Variants in DNAJC6 observed in about 807,000 individuals in gnomAD.
DNAJC6 encodes auxilin.
DNAJC6 carries 34 observed loss-of-function variants against 110.0 expected under a neutral mutation model. The ratio of observed to expected loss-of-function variants is 0.31; its 90% CI spans 0.24 to 0.41. The LOEUF (loss-of-function observed/expected upper bound fraction) is 0.41, where lower values mean the gene tolerates loss of function less well. Ranked by LOEUF, DNAJC6 falls within the 10% of genes least tolerant of loss-of-function variation. The probability of loss-of-function intolerance (pLI) is 1.00; values close to 1 mark genes in which losing one functional copy is unlikely to be tolerated. For missense variants in DNAJC6, 1,031 were observed against 1,207.8 expected (o/e 0.85, Z 2.17); for synonymous variants, 406 against 437.2 (o/e 0.93, Z 0.89).
At chr1:65,293,436 T>C (rs1644899482) in intron 1 of DNAJC6, among the ~76,000 whole-genome samples, 1 of 152,110 alleles carries the variant, frequency 6.6e-6, no homozygotes, top group African/African-American at 2.4e-5. Context: ...GGCCCCCATC[T>C]CCAAATACTA....
At chr1:65,352,504 C>A (rs1447150017) in intron 1 of DNAJC6, among the ~76,000 whole-genome samples, 1 of 152,152 alleles carries the variant, frequency 6.6e-6, no homozygotes, top group African/African-American at 2.4e-5. Context: ...GTTCCCTTAT[C>A]TGAAAAATAA....
intron 1 of DNAJC6, among the ~76,000 whole-genome samples, chr1:65,322,166 CT>C (rs1409329667): frequency 2.0e-5 from 3 of 152,150 alleles, no homozygotes; most frequent in Non-Finnish European, 4.4e-5. Flanking sequence ...TTATATCTTG[CT>C]TTGTTTTCAA....
chr1:65,389,069 C>A (rs1645899104), intron 9 of DNAJC6, among the ~76,000 whole-genome samples, 187 bp from the exon 10 acceptor site: 1 of 152,170 alleles, frequency 6.6e-6, no homozygotes, highest in South Asian at 2.1e-4. Flanking sequence ...CATTATTCTC[C>A]TCTTTTCTCT....
In DNAJC6 at chr1:65,345,356, A is replaced by G. The variant is rs114869183; in HGVS notation, c.194-19279A>G. On this transcript the variant is annotated intron_variant, in intron 1 of 18. Coordinates refer to ENST00000371069, the MANE Select transcript of DNAJC6 (RefSeq NM_001256864.2). ...CAAATATTGTTTATGATTGCCTTCT[A>G]GGTGACAAATACTCATCCATCATTA... Among the ~76,000 whole-genome samples the G allele has an allele frequency of 6.2e-3, 948 of 152,140 alleles. 6 individuals carry two copies. The highest frequency in any genetic ancestry group is 0.011 in the Non-Finnish European group (758 of 67,990).
At chr1:65,309,959 T>G in intron 1 of DNAJC6, 21 bp downstream of exon 1, 1 of 1,404,630 alleles carries the variant, frequency 7.1e-7, no homozygotes, top group Non-Finnish European at 9.3e-7. Flanking sequence ...CCGAGGGGAG[T>G]GCAGCGCTGA....
intron 1 of DNAJC6, among the ~76,000 whole-genome samples, chr1:65,331,217 G>C (rs563572252): frequency 7.7e-4 from 118 of 152,286 alleles, no homozygotes; most frequent in African/African-American, 2.7e-3. Context: ...TTGGTTCTTT[G>C]TAGCCATTGG....
chr1:65,341,478 A>G (rs1368168262), intron 1 of DNAJC6, among the ~76,000 whole-genome samples: 1 of 152,160 alleles, frequency 6.6e-6, no homozygotes, highest in Non-Finnish European at 1.5e-5. Flanking sequence ...GCAGAGGAGA[A>G]CAGATGCTGC....
At chr1:65,342,631 A>T (rs989667086) in intron 1 of DNAJC6, among the ~76,000 whole-genome samples, 2 of 152,190 alleles carry the variant, frequency 1.3e-5, no homozygotes, top group African/African-American at 4.8e-5. Context: ...GCTCCTCTGT[A>T]AAAAGGGGAT....
At chr1:65,315,484 G>A (rs1012886318) in intron 1 of DNAJC6, among the ~76,000 whole-genome samples, 1 of 152,086 alleles carries the variant, frequency 6.6e-6, no homozygotes, top group African/African-American at 2.4e-5. Context: ...TACAACATGA[G>A]TGTGTGTAAA....
chr1:65,403,340 C>T (rs1646046672), intron 15 of DNAJC6, among the ~76,000 whole-genome samples: 1 of 152,212 alleles, frequency 6.6e-6, no homozygotes, highest in African/African-American at 2.4e-5. Flanking sequence ...AGAAGTCTAG[C>T]TCTGGAGCTT....
chr1:65,352,821 C>T (rs898141797), intron 1 of DNAJC6, among the ~76,000 whole-genome samples: 5 of 152,118 alleles, frequency 3.3e-5, no homozygotes, highest in Admixed American at 1.3e-4. Flanking sequence ...CTTGAGAAAA[C>T]GCTTCTTAGA....
chr1:65,265,671 G>T (rs1430434889), intron 1 of DNAJC6, among the ~76,000 whole-genome samples: 1 of 152,180 alleles, frequency 6.6e-6, no homozygotes, highest in Non-Finnish European at 1.5e-5. Flanking sequence ...TTTTAAATTC[G>T]GAGGCTCCTT....
chr1:65,395,056 T>C (rs564799383), intron 13 of DNAJC6, 24 bp downstream of exon 13: 1 of 1,578,880 alleles, frequency 6.3e-7, no homozygotes, highest in Non-Finnish European at 8.6e-7. Flanking sequence ...TTATATTGTG[T>C]TCAGTGGAAC....
chr1:65,272,718 T>G lies in DNAJC6; in HGVS notation c.-131+7786T>G, dbSNP rs189565808. Reference sequence around the variant, plus strand: ...TGTTTGTTTGTTTATTTATTTTACTTTTGTAAAGATGAGGTCTCACTATGT... The same window carrying G: ...TGTTTGTTTGTTTATTTATTTTACTGTTGTAAAGATGAGGTCTCACTATGT... On this transcript the variant is annotated intron_variant, in intron 1 of 19. Transcript: ENST00000263441. 2.2e-4 allele frequency among the ~76,000 whole-genome samples: 34 copies of G among 152,320 alleles called. No homozygotes were observed. The East Asian group carries it at 6.4e-3, about 28-fold the overall frequency.
At chr1:65,380,540 G>A (rs1233452528) in intron 5 of DNAJC6, among the ~76,000 whole-genome samples, 4 of 152,174 alleles carry the variant, frequency 2.6e-5, no homozygotes, top group African/African-American at 9.7e-5. Context: ...AAAGACCAAA[G>A]GATTTTCCTT....
intron 1 of DNAJC6, among the ~76,000 whole-genome samples, chr1:65,331,772 A>G (rs557431601): frequency 6.6e-6 from 1 of 152,364 alleles, no homozygotes; most frequent in South Asian, 2.1e-4. Context: ...GTCAGACAAA[A>G]TATTGGGTGA....
At chr1:65,331,099 GCTAAAAATATTC>G (rs1288364098) in intron 1 of DNAJC6, among the ~76,000 whole-genome samples, 1 of 151,950 alleles carries the variant, frequency 6.6e-6, no homozygotes, top group Non-Finnish European at 1.5e-5. Context: ...CATGCGACGA[GCTAAAAATATTC>G]CTAAGAAGAA....
intron 1 of DNAJC6, among the ~76,000 whole-genome samples, chr1:65,328,263 CAAT>C (rs1287942130): frequency 1.3e-5 from 2 of 152,114 alleles, no homozygotes; most frequent in Non-Finnish European, 2.9e-5. Flanking sequence ...GCTAAAATCT[CAAT>C]GATGAATTTA....
At chr1:65,338,111 G>T (rs1451140500) in intron 1 of DNAJC6, among the ~76,000 whole-genome samples, 1 of 152,154 alleles carries the variant, frequency 6.6e-6, no homozygotes, top group East Asian at 1.9e-4. Flanking sequence ...GGTGTGAGGG[G>T]TGCTCACTGC....
Sources: allele counts gnomAD v4.1 joint callset (sites outside exome capture counted in the v4.1 genomes callset), GRCh38; gene constraint gnomAD v4.1.1; transcripts MANE v1.5; gene names NCBI Gene and HGNC (gene_info 2026-07-23, HGNC 2026-07-21).